CTNNA2: variants seen among roughly 807,000 people sequenced by gnomAD.
CTNNA2 encodes catenin alpha-2.
A neutral mutation model predicts 101.0 loss-of-function variants in CTNNA2; 42 were observed. The observed-to-expected ratio is 0.42, with a 90% CI of 0.32 to 0.54. The LOEUF (loss-of-function observed/expected upper bound fraction) is 0.54. CTNNA2 is among the 20% of genes least tolerant of loss of function. The probability of loss-of-function intolerance (pLI) is 0.14; values close to 1 mark genes in which losing one functional copy is unlikely to be tolerated. For missense variants in CTNNA2, 871 were observed against 1,223.1 expected, an observed-to-expected ratio of 0.71 and a Z score of 4.29; for synonymous variants, 450 against 456.4, an observed-to-expected ratio of 0.99 and a Z score of 0.18.
At chr2:80,108,089 A>G (rs1036045091) in intron 7 of CTNNA2, among the ~76,000 whole-genome samples, 2 of 152,184 alleles carry the variant, frequency 1.3e-5, no homozygotes, top group African/African-American at 4.8e-5. Flanking sequence ...TTCTTGGTTG[A>G]ATGTGTTACT....
At chr2:79,445,322 A>G (rs953010300) in intron 4 of CTNNA2, among the ~76,000 whole-genome samples, 1 of 152,160 alleles carries the variant, frequency 6.6e-6, no homozygotes, top group Non-Finnish European at 1.5e-5. Context: ...TAGAAAAATC[A>G]AAAGTACCCA....
intron 7 of CTNNA2, among the ~76,000 whole-genome samples, chr2:80,386,066 G>A (rs1676966395): frequency 6.6e-6 from 1 of 152,112 alleles, no homozygotes; most frequent in Non-Finnish European, 1.5e-5. Flanking sequence ...GGCATATCCT[G>A]ATATTGCTCT....
intron 7 of CTNNA2, among the ~76,000 whole-genome samples, chr2:79,961,846 T>G (rs960758015): frequency 7.0e-6 from 1 of 142,844 alleles, no homozygotes; most frequent in African/African-American, 2.6e-5. Flanking sequence ...AAAAAAAAGC[T>G]GGCTCTGTTG....
At chr2:79,597,241 G>A (rs1421313505) in intron 1 of CTNNA2, among the ~76,000 whole-genome samples, 2 of 152,086 alleles carry the variant, frequency 1.3e-5, no homozygotes, top group African/African-American at 4.8e-5. Context: ...GGGAGGCCCA[G>A]GCGGCATGAT....
chr2:80,629,009 G>GAT (rs1671990848), intron 18 of CTNNA2, among the ~76,000 whole-genome samples: 1 of 152,120 alleles, frequency 6.6e-6, no homozygotes, highest in African/African-American at 2.4e-5. Flanking sequence ...AAGTGAAAAT[G>GAT]ATATTAGTAT....
At chr2:80,499,946 AAG>A (rs1687751161) in intron 9 of CTNNA2, among the ~76,000 whole-genome samples, 1 of 152,126 alleles carries the variant, frequency 6.6e-6, no homozygotes, top group South Asian at 2.1e-4. Context: ...AAAAAAAAAA[AAG>A]GTTAAAACAT....
At chr2:79,202,353 A>AT (rs569631708) in intron 2 of CTNNA2, among the ~76,000 whole-genome samples, 103 of 139,590 alleles carry the variant, frequency 7.4e-4, no homozygotes, top group Admixed American at 1.5e-3. Flanking sequence ...TATTTTTTTT[A>AT]TTTTTTTGAG....
At chr2:79,631,734 A>G (rs966703816) in intron 1 of CTNNA2, among the ~76,000 whole-genome samples, 11 of 152,204 alleles carry the variant, frequency 7.2e-5, no homozygotes, top group Middle Eastern at 3.2e-3. Context: ...GAAAAAAAGT[A>G]CGTAGTTAAA....
chr2:79,792,062 T>A (rs1194511042), intron 3 of CTNNA2, among the ~76,000 whole-genome samples: 1 of 152,202 alleles, frequency 6.6e-6, no homozygotes, highest in African/African-American at 2.4e-5. Context: ...ACTAGTATAA[T>A]TCTTCCATTA....
At chr2:80,212,481 G>A (rs947238924) in intron 7 of CTNNA2, among the ~76,000 whole-genome samples, 11 of 152,064 alleles carry the variant, frequency 7.2e-5, no homozygotes, top group African/African-American at 2.7e-4. Flanking sequence ...ATAATCATGT[G>A]GTTTTTGTCT....
rs79579465 is a variant in CTNNA2, at chr2:80,528,649, C to A, written c.1291-16333C>A. ...GGCATGATCATGAATCTCATGGGTT[C>A]TACCACATAGAAGGTGCAACCCCCA... On this transcript the variant is annotated intron_variant, in intron 9 of 18. Transcript: ENST00000402739. Among the ~76,000 whole-genome samples the A allele has an allele frequency of 4.9e-4, 75 of 152,102 alleles. 1 individual carries two copies. The East Asian group carries it at 0.013, about 27-fold the overall frequency.
chr2:79,600,425 G>A (rs1444376910), intron 1 of CTNNA2, among the ~76,000 whole-genome samples: 3 of 152,068 alleles, frequency 2.0e-5, no homozygotes, highest in South Asian at 2.1e-4. Flanking sequence ...CAATCCACCC[G>A]CCTTGGCCTC....
intron 1 of CTNNA2, among the ~76,000 whole-genome samples, chr2:79,552,914 A>C (rs1410936277): frequency 6.6e-6 from 1 of 152,218 alleles, no homozygotes; most frequent in East Asian, 1.9e-4. Flanking sequence ...AAAGTCTTTG[A>C]AATTCCTTCA....
Position 80,193,967 on chromosome 2 carries a change from A to G in CTNNA2, c.1057-199244A>G, listed in dbSNP as rs545862813. Among the ~76,000 whole-genome samples, 11 of 152,258 alleles carry G rather than the reference A, an allele frequency of 7.2e-5. No individual in the cohort carries two copies. In the South Asian group the frequency reaches 2.3e-3, roughly 32 times the overall value. ...GGGAGGGACCAGGGACTTTAATTAT[A>G]TTTTTAAACAATGGATTTCCATTAA... On this transcript the variant is annotated intron_variant, in intron 7 of 18. Coordinates refer to ENST00000402739, the MANE Select transcript of CTNNA2 (RefSeq NM_001282597.3).
At chr2:80,342,546 G>T (rs1224656004) in intron 7 of CTNNA2, among the ~76,000 whole-genome samples, 1 of 152,148 alleles carries the variant, frequency 6.6e-6, no homozygotes, top group Non-Finnish European at 1.5e-5. Flanking sequence ...TTTATTTGAA[G>T]AGTTTTATTT....
chr2:79,799,612 A>T (rs1676001796), intron 3 of CTNNA2, among the ~76,000 whole-genome samples: 1 of 152,186 alleles, frequency 6.6e-6, no homozygotes, highest in Non-Finnish European at 1.5e-5. Flanking sequence ...ACATCTTTGG[A>T]ACAGATAATG....
At chr2:80,123,592 G>A (rs72926609) in intron 7 of CTNNA2, among the ~76,000 whole-genome samples, 4,235 of 152,284 alleles carry the variant, frequency 0.028, 205 homozygotes, top group African/African-American at 0.096. Flanking sequence ...CAGAATGCTA[G>A]TGAACAATCG....
At chr2:79,699,786 A>T (rs1260559489) in intron 2 of CTNNA2, among the ~76,000 whole-genome samples, 1 of 109,772 alleles carries the variant, frequency 9.1e-6, no homozygotes, top group African/African-American at 3.6e-5. Flanking sequence ...AAAAGAAAAA[A>T]ATACACACAC....
intron 2 of CTNNA2, among the ~76,000 whole-genome samples, chr2:79,738,163 C>T (rs1318094613): frequency 6.6e-6 from 1 of 152,184 alleles, no homozygotes; most frequent in Non-Finnish European, 1.5e-5. Flanking sequence ...ACACCATTAA[C>T]ATATCTGAAA....
Sources: allele counts gnomAD v4.1 joint callset (sites outside exome capture counted in the v4.1 genomes callset), GRCh38; gene constraint gnomAD v4.1.1; transcripts MANE v1.5; gene names NCBI Gene and HGNC (gene_info 2026-07-23, HGNC 2026-07-21).